AKAP19: variants seen among roughly 807,000 people sequenced by gnomAD.
AKAP19 encodes A-kinase anchoring protein 19.
chr2:189,917,451 T>C, the AKAP19 span: 3 of 721,586 alleles, frequency 4.2e-6, no homozygotes, highest in African/African-American at 5.4e-5. Context: ...AGCTCGATGT[T>C]TTTCAGGAAT....
the AKAP19 span, among the ~76,000 whole-genome samples, chr2:190,106,478 C>T: frequency 6.6e-6 from 1 of 152,118 alleles, no homozygotes; most frequent in Admixed American, 6.6e-5. Flanking sequence ...TGTTCGTTTG[C>T]CCTATCCTAC....
the AKAP19 span, among the ~76,000 whole-genome samples, chr2:190,138,612 T>C: frequency 6.6e-6 from 1 of 152,192 alleles, no homozygotes; most frequent in East Asian, 1.9e-4. Context: ...TCCTAACTCA[T>C]TCCTATTTAT....
the AKAP19 span, chr2:190,060,421 G>A: frequency 1.2e-6 from 2 of 1,609,626 alleles, no homozygotes; most frequent in Non-Finnish European, 1.7e-6. Flanking sequence ...CCATCCACTT[G>A]CATTAGAAAA....
chr2:189,902,272 T>G, the AKAP19 span, among the ~76,000 whole-genome samples: 1 of 151,712 alleles, frequency 6.6e-6, no homozygotes, highest in African/African-American at 2.4e-5. Flanking sequence ...ATCCTATCTG[T>G]TTTTTTTCCT....
chr2:190,034,525 G>A, the AKAP19 span, among the ~76,000 whole-genome samples: 2 of 102,086 alleles, frequency 2.0e-5, no homozygotes, highest in Non-Finnish European at 3.6e-5. Flanking sequence ...AGCCTAGCAG[G>A]CTACAGTGCA....
chr2:190,006,617 C>T, the AKAP19 span, among the ~76,000 whole-genome samples: 22,143 of 140,998 alleles, frequency 0.16, 1,740 homozygotes, highest in Middle Eastern at 0.27. Context: ...ACCGCCTGGG[C>T]GACAGAACGA....
chr2:190,194,204 G>A, the AKAP19 span, among the ~76,000 whole-genome samples: 1 of 152,152 alleles, frequency 6.6e-6, no homozygotes. Context: ...CACTTGATAA[G>A]AATATGTAAT....
At chr2:190,115,124 G>GGAGA in the AKAP19 span, among the ~76,000 whole-genome samples, 1 of 142,304 alleles carries the variant, frequency 7.0e-6, no homozygotes, top group Non-Finnish European at 1.5e-5. Context: ...TGAGAGAGAG[G>GGAGA]GAGAGAGAGA....
chr2:189,985,740 C>G, the AKAP19 span, among the ~76,000 whole-genome samples: 1 of 152,176 alleles, frequency 6.6e-6, no homozygotes, highest in Non-Finnish European at 1.5e-5. Context: ...GAGCATACCC[C>G]TCTGTGCTGT....
At chr2:190,097,672 C>T in the AKAP19 span, among the ~76,000 whole-genome samples, 1 of 151,702 alleles carries the variant, frequency 6.6e-6, no homozygotes, top group African/African-American at 2.4e-5. Context: ...ATGTTCACAG[C>T]ATCTTCATCA....
chr2:189,896,023 A>C, the AKAP19 span, among the ~76,000 whole-genome samples: 7 of 152,144 alleles, frequency 4.6e-5, no homozygotes, highest in East Asian at 1.9e-4. Flanking sequence ...AAAAAAAAAA[A>C]AACATACTGC....
chr2:190,088,395 G>T, the AKAP19 span, among the ~76,000 whole-genome samples: 15 of 152,110 alleles, frequency 9.9e-5, no homozygotes, highest in Admixed American at 9.8e-4. Flanking sequence ...CCAGTATAAG[G>T]TCCTTTACCA....
the AKAP19 span, among the ~76,000 whole-genome samples, chr2:190,171,302 G>GA: frequency 6.6e-6 from 1 of 151,836 alleles, no homozygotes; most frequent in Non-Finnish European, 1.5e-5. Context: ...AGGAAGGCCT[G>GA]AAAATGAAGC....
chr2:190,197,667 G>C, the AKAP19 span, among the ~76,000 whole-genome samples: 1 of 152,136 alleles, frequency 6.6e-6, no homozygotes, highest in South Asian at 2.1e-4. This position sits in a 1 kb window ranked among gnomAD's most constrained non-coding sequence, Gnocchi z 4.0. Context: ...TTAACATCTT[G>C]TGTTTTTCTT....
At chr2:190,049,218 C>T in the AKAP19 span, among the ~76,000 whole-genome samples, 2 of 151,546 alleles carry the variant, frequency 1.3e-5, no homozygotes, top group African/African-American at 4.8e-5. Flanking sequence ...ATACCAACAA[C>T]CTAATAGAAA....
the AKAP19 span, chr2:190,056,561 A>G: frequency 1.3e-5 from 2 of 152,682 alleles, no homozygotes; most frequent in Admixed American, 1.3e-4. Flanking sequence ...TTCTTCTTAC[A>G]TTAAAGAAAA....
chr2:189,995,681 G>T, the AKAP19 span, among the ~76,000 whole-genome samples: 2 of 150,818 alleles, frequency 1.3e-5, no homozygotes, highest in Non-Finnish European at 2.9e-5. Flanking sequence ...AATACCTTGT[G>T]TGTTTTTTTT....
the AKAP19 span, among the ~76,000 whole-genome samples, chr2:189,934,827 T>C: frequency 6.6e-6 from 1 of 151,874 alleles, no homozygotes; most frequent in Non-Finnish European, 1.5e-5. Context: ...TAAATATTAG[T>C]AGAGCCTCAA....
the AKAP19 span, among the ~76,000 whole-genome samples, chr2:190,063,755 A>G: frequency 6.6e-6 from 1 of 152,124 alleles, no homozygotes; most frequent in South Asian, 2.1e-4. Flanking sequence ...GAGGGCAGAC[A>G]CCTGGCAGGG....
Sources: gnomAD v4.1 joint callset for allele counts (sites outside exome capture counted in the v4.1 genomes callset) on GRCh38, gnomAD v4.1.1 for gene constraint, Gnocchi (gnomAD v3.1) non-coding constraint, MANE v1.5 for transcripts, NCBI Gene and HGNC (gene_info 2026-07-23, HGNC 2026-07-21) for gene names.